The following LOC122539214 variants were observed in gnomAD, a reference collection of about 807,000 sequenced individuals.
the LOC122539214 span, chr19:52,655,792 C>A: frequency 1.7e-6 from 1 of 591,274 alleles, no homozygotes; most frequent in South Asian, 2.3e-5. Flanking sequence ...AGACGGTGTT[C>A]TGACAAACCC....
chr19:52,654,467 G>A, the LOC122539214 span: 2 of 660,100 alleles, frequency 3.0e-6, no homozygotes, highest in Admixed American at 6.0e-5. Flanking sequence ...ATTTAATACT[G>A]AAATGTGTTA....
At chr19:52,682,215 T>TAA in the LOC122539214 span, among the ~76,000 whole-genome samples, 4 of 148,898 alleles carry the variant, frequency 2.7e-5, no homozygotes, top group African/African-American at 9.8e-5. Flanking sequence ...ATTAAAATTA[T>TAA]AAAAAAAAAA....
At chr19:52,659,749 A>C in the LOC122539214 span, among the ~76,000 whole-genome samples, 1 of 152,238 alleles carries the variant, frequency 6.6e-6, no homozygotes, top group Non-Finnish European at 1.5e-5. Flanking sequence ...CACCTTAAGA[A>C]TATCCAACAT....
chr19:52,688,090 A>T, the LOC122539214 span, among the ~76,000 whole-genome samples: 3 of 152,116 alleles, frequency 2.0e-5, no homozygotes, highest in African/African-American at 7.2e-5. Flanking sequence ...TTAAATTATT[A>T]GATTATATAC....
At chr19:52,685,673 G>A in the LOC122539214 span, among the ~76,000 whole-genome samples, 1 of 152,228 alleles carries the variant, frequency 6.6e-6, no homozygotes, top group South Asian at 2.1e-4. Context: ...GAGGTGGGCA[G>A]ATCACCTGAG....
the LOC122539214 span, among the ~76,000 whole-genome samples, chr19:52,688,560 C>A: frequency 6.6e-6 from 1 of 151,598 alleles, no homozygotes; most frequent in Non-Finnish European, 1.5e-5. Context: ...GTTTTATTTT[C>A]CCCCGGGGTT....
At chr19:52,685,136 CAGA>C in the LOC122539214 span, among the ~76,000 whole-genome samples, 1 of 152,192 alleles carries the variant, frequency 6.6e-6, no homozygotes, top group Non-Finnish European at 1.5e-5. Flanking sequence ...TCCCCTCTCC[CAGA>C]AGAAAAGCCA....
chr19:52,687,557 AAT>A, the LOC122539214 span, among the ~76,000 whole-genome samples: 2 of 41,758 alleles, frequency 4.8e-5, no homozygotes, highest in African/African-American at 2.3e-4. Context: ...TATATGTGTA[AAT>A]TTTATATATA....
At chr19:52,673,259 A>C in the LOC122539214 span, among the ~76,000 whole-genome samples, 7 of 152,250 alleles carry the variant, frequency 4.6e-5, no homozygotes, top group Non-Finnish European at 8.8e-5. Flanking sequence ...GAATCCCAGC[A>C]CTTTGGGAGC....
At chr19:52,656,922 T>C in the LOC122539214 span, among the ~76,000 whole-genome samples, 5 of 150,986 alleles carry the variant, frequency 3.3e-5, no homozygotes, top group African/African-American at 4.9e-5. Context: ...CCTGGACACA[T>C]TGCAAATCAC....
At chr19:52,689,434 T>C in the LOC122539214 span, among the ~76,000 whole-genome samples, 1 of 152,070 alleles carries the variant, frequency 6.6e-6, no homozygotes, top group Non-Finnish European at 1.5e-5. Flanking sequence ...GTGTCCTCCC[T>C]GCTGTGCTTC....
the LOC122539214 span, among the ~76,000 whole-genome samples, chr19:52,669,101 T>C: frequency 6.6e-6 from 1 of 152,170 alleles, no homozygotes; most frequent in East Asian, 1.9e-4. Context: ...AGATGCATAG[T>C]GGTATTATGG....
At chr19:52,659,179 C>G in the LOC122539214 span, among the ~76,000 whole-genome samples, 17,538 of 151,934 alleles carry the variant, frequency 0.12, 1,693 homozygotes, top group East Asian at 0.4. Context: ...AACAGACCCC[C>G]CACAGTTCAA....
chr19:52,657,636 TC>T, the LOC122539214 span, among the ~76,000 whole-genome samples: 1 of 152,164 alleles, frequency 6.6e-6, no homozygotes, highest in East Asian at 1.9e-4. Flanking sequence ...TCACCTGAGG[TC>T]AGGAATTCGC....
chr19:52,681,280 CAAAA>C, the LOC122539214 span, among the ~76,000 whole-genome samples: 59 of 75,434 alleles, frequency 7.8e-4, no homozygotes, highest in African/African-American at 1.4e-3. Flanking sequence ...GAGACTTTCT[CAAAA>C]AAAAAAAAAA....
At chr19:52,686,660 A>G in the LOC122539214 span, among the ~76,000 whole-genome samples, 6 of 151,908 alleles carry the variant, frequency 3.9e-5, no homozygotes, top group African/African-American at 9.7e-5. Flanking sequence ...TGCAACCTCT[A>G]CCTCCCAGGT....
the LOC122539214 span, among the ~76,000 whole-genome samples, chr19:52,680,561 C>T: frequency 1.3e-5 from 2 of 150,386 alleles, no homozygotes; most frequent in African/African-American, 2.4e-5. Context: ...TATTTTGGCA[C>T]ATTTTTTCTC....
the LOC122539214 span, among the ~76,000 whole-genome samples, chr19:52,654,639 C>T: frequency 3.3e-5 from 5 of 152,022 alleles, no homozygotes; most frequent in Non-Finnish European, 7.4e-5. Flanking sequence ...ATTTCTTGAA[C>T]CTAGGAGGCA....
At chr19:52,655,443 C>T in the LOC122539214 span, 1 of 975,696 alleles carries the variant, frequency 1.0e-6, no homozygotes, top group Non-Finnish European at 1.5e-6. Flanking sequence ...CTGCAGAAAA[C>T]AATGACATGT....
Sources: gnomAD v4.1 joint callset for allele counts (sites outside exome capture counted in the v4.1 genomes callset) on GRCh38, gnomAD v4.1.1 for gene constraint, MANE v1.5 for transcripts.